FRMD6: variants seen among roughly 807,000 people sequenced by gnomAD.
The protein encoded by FRMD6 is FERM domain-containing protein 6.
In FRMD6, 37 loss-of-function variants were observed where a neutral mutation model predicts 73.2. The ratio of observed to expected loss-of-function variants is 0.51; its 90% CI spans 0.39 to 0.66. FRMD6 has a LOEUF of 0.66. FRMD6 is among the 30% of genes least tolerant of loss of function. The probability of loss-of-function intolerance (pLI) is 0.00; values close to 1 mark genes in which losing one functional copy is unlikely to be tolerated. For synonymous variants in FRMD6, 273 were observed against 282.2 expected (o/e 0.97, Z 0.33); for missense variants, 714 against 780.5 (o/e 0.91, Z 1.02).
the FRMD6 span, among the ~76,000 whole-genome samples, chr14:51,452,374 C>G: frequency 6.6e-6 from 1 of 152,144 alleles, no homozygotes; most frequent in African/African-American, 2.4e-5. Context: ...TCCTCAGAAG[C>G]CCTTCAGTCC....
rs550036232 is a variant in FRMD6, at chr14:51,633,010, GA to G, written c.-146-56680del. 2.3e-3 allele frequency among the ~76,000 whole-genome samples: 346 copies of G among 152,252 alleles called. 3 individuals are homozygous for G. The highest frequency in any genetic ancestry group is 6.8e-3 in the Middle Eastern group (2 of 294). ...TTATATAACAAAATGGCATTTTTAA[GA>G]GGCAAACTCATGCATTTCGTGTAAA... is the stretch of plus-strand genomic sequence containing the variant. On this transcript the variant is annotated intron_variant, in intron 2 of 14. Coordinates refer to the FRMD6 transcript ENST00000356218.
intron 1 of FRMD6, among the ~76,000 whole-genome samples, chr14:51,492,438 G>A (rs958762644): frequency 3.3e-5 from 5 of 152,064 alleles, no homozygotes; most frequent in African/African-American, 9.7e-5. Flanking sequence ...TGCCAGAGGA[G>A]GGCCAAGGTC....
chr14:51,722,799 C>T (rs558180862), intron 12 of FRMD6, among the ~76,000 whole-genome samples: 1 of 152,268 alleles, frequency 6.6e-6, no homozygotes, highest in East Asian at 1.9e-4. Context: ...CCTCAGGAAC[C>T]AGCACTATTG....
At chr14:51,684,658 C>T (rs750711674) in intron 1 of FRMD6, among the ~76,000 whole-genome samples, 2 of 152,024 alleles carry the variant, frequency 1.3e-5, no homozygotes, top group Non-Finnish European at 2.9e-5. Flanking sequence ...GGGAGAGGGG[C>T]TCCTGGCAGC....
At chr14:51,456,945 G>T in the FRMD6 span, among the ~76,000 whole-genome samples, 3 of 152,104 alleles carry the variant, frequency 2.0e-5, no homozygotes, top group African/African-American at 7.2e-5. Flanking sequence ...TAAAAAAGTT[G>T]ATCTCATACA....
At chr14:51,628,877 C>CTTTTTTTTTTTTTT (rs371915919) in intron 2 of FRMD6, among the ~76,000 whole-genome samples, 1 of 95,304 alleles carries the variant, frequency 1.0e-5, no homozygotes, top group African/African-American at 4.1e-5. Flanking sequence ...CTTTTCTTTT[C>CTTTTTTTTTTTTTT]TTTTTTTTTT....
In FRMD6 at chr14:51,715,408, A is replaced by G; in HGVS notation, c.933A>G (p.Arg311=). The change falls in exon 10 of 14, where the codon AGA becomes AGG. Residue 311 remains arginine (R), a synonymous_variant. Coordinates refer to ENST00000344768, the MANE Select transcript of FRMD6 (RefSeq NM_001267046.2). ...IYYTGCPMRS[R]HLLQLLSNSH... ...ACACGGGGTGCCCCATGCGCTCCAG[A>G]CACCTCCTGCAACTTCTGAGCAACA... The G allele has an allele frequency of 6.2e-7, 1 of 1,613,814 alleles. No homozygotes were observed. Among genetic ancestry groups the G allele is most frequent in the South Asian group, 1.1e-5 (1 of 90,992 alleles).
chr14:51,515,460 C>T (rs766755065), intron 1 of FRMD6, among the ~76,000 whole-genome samples: 1 of 152,146 alleles, frequency 6.6e-6, no homozygotes, highest in Non-Finnish European at 1.5e-5. Flanking sequence ...TATATTAGGC[C>T]CCCACTTCTA....
chr14:51,621,088 A>G (rs919916100), intron 2 of FRMD6, among the ~76,000 whole-genome samples: 23 of 152,024 alleles, frequency 1.5e-4, no homozygotes, highest in African/African-American at 5.1e-4. Flanking sequence ...GTGGCATTTA[A>G]CCACGCCACT....
chr14:51,500,781 C>T (rs1466659537), intron 1 of FRMD6, among the ~76,000 whole-genome samples: 1 of 152,036 alleles, frequency 6.6e-6, no homozygotes, highest in East Asian at 1.9e-4. Context: ...TGTATATACA[C>T]ACATACATAT....
At chr14:51,534,083 A>G (rs1334963217) in intron 1 of FRMD6, among the ~76,000 whole-genome samples, 1 of 152,236 alleles carries the variant, frequency 6.6e-6, no homozygotes, top group Non-Finnish European at 1.5e-5. Context: ...TTGCACAACC[A>G]AGGAGTCAAG....
intron 2 of FRMD6, among the ~76,000 whole-genome samples, chr14:51,633,616 A>G (rs951799012): frequency 3.3e-5 from 5 of 149,808 alleles, no homozygotes; most frequent in African/African-American, 1.2e-4. Flanking sequence ...AAAAAAAAAA[A>G]AAAAAGAAAT....
chr14:51,512,882 C>T (rs1884397711), intron 1 of FRMD6, among the ~76,000 whole-genome samples: 1 of 152,128 alleles, frequency 6.6e-6, no homozygotes, highest in East Asian at 1.9e-4. Flanking sequence ...ATGTACTGGC[C>T]ATGGCAGCAC....
At chr14:51,683,508 C>G (rs1012027210) in intron 1 of FRMD6, among the ~76,000 whole-genome samples, 1 of 151,882 alleles carries the variant, frequency 6.6e-6, no homozygotes, top group Non-Finnish European at 1.5e-5. Context: ...AGACTGGTCT[C>G]CAACTCCTAA....
At chr14:51,484,957 G>C (rs938917282), upstream of FRMD6, among the ~76,000 whole-genome samples, 1 of 152,212 alleles carries the variant, frequency 6.6e-6, no homozygotes, top group African/African-American at 2.4e-5. Context: ...TCTTGGGTGA[G>C]GAGCTTCCTG....
At position 51,721,817 on chromosome 14, in the gene FRMD6, C is replaced by A. The variant is rs564859756; in HGVS notation, c.1361-132C>A. ...CTGTTGAAAATGGTCCCTGGAGTTT[C>A]CTATTGGAGTCTCATTAGCAAATTT... On this transcript the variant is annotated intron_variant, in intron 11 of 13. Coordinates refer to ENST00000344768, the MANE Select transcript of FRMD6 (RefSeq NM_001267046.2). 10 of 898,240 alleles carry A rather than the reference C, an allele frequency of 1.1e-5. No homozygotes were observed. In the South Asian group the frequency reaches 1.8e-4, roughly 16 times the overall value. The allele number at this position is 898,240 out of a possible 1,614,324, so 55.6% of individuals were successfully genotyped here.
At chr14:51,525,125 A>G (rs1187507026) in intron 1 of FRMD6, among the ~76,000 whole-genome samples, 1 of 150,386 alleles carries the variant, frequency 6.6e-6, no homozygotes, top group Non-Finnish European at 1.5e-5. Context: ...ATAGATAGAG[A>G]CAGATGATAG....
chr14:51,402,986 T>C, the FRMD6 span, among the ~76,000 whole-genome samples: 3 of 152,062 alleles, frequency 2.0e-5, no homozygotes, highest in African/African-American at 4.8e-5. Flanking sequence ...ACACCATAGG[T>C]AGGGGACGCA....
the FRMD6 span, among the ~76,000 whole-genome samples, chr14:51,463,508 C>T: frequency 2.0e-5 from 3 of 152,182 alleles, no homozygotes; most frequent in African/African-American, 7.2e-5. Context: ...GGATTCAGAA[C>T]CCATGAATAT....
Sources: allele counts gnomAD v4.1 joint callset (sites outside exome capture counted in the v4.1 genomes callset), GRCh38; gene constraint gnomAD v4.1.1; transcripts MANE v1.5; gene names NCBI Gene and HGNC (gene_info 2026-07-23, HGNC 2026-07-21).